The following PRCD variants were observed in gnomAD, a reference collection of about 807,000 sequenced individuals.
The protein encoded by PRCD is photoreceptor disk component PRCD.
PRCD carries 12 observed loss-of-function variants against 10.1 expected under a neutral mutation model. The observed-to-expected ratio is 1.18, with a 90% CI of 0.76 to 1.92. The LOEUF (loss-of-function observed/expected upper bound fraction) is 1.92, where lower values mean the gene tolerates loss of function less well. Among genes scored for constraint, PRCD ranks in the 40% most tolerant of loss-of-function variants. The pLI is 0.00. For synonymous variants in PRCD, 31 were observed against 26.2 expected (o/e 1.18, Z -0.56); for missense variants, 61 against 72.2 (o/e 0.84, Z 0.56).
chr17:76,545,230 T>C lies in PRCD; in HGVS notation c.*1580T>C, dbSNP rs1351268659. 2.2e-6 allele frequency: 1 copy of C among 456,778 alleles called. No individual in the cohort carries two copies. Among genetic ancestry groups the C allele is most frequent in the Admixed American group, 2.3e-5 (1 of 42,588 alleles). 28.3% of individuals were successfully genotyped at this position (456,778 alleles called of 1,614,324 possible). A position where few individuals can be genotyped will look rare whatever the true frequency, so the allele number is the denominator to read the frequency against. ...AGCTCCTGCTGCAGAAAGTTACCTC[T>C]CTCAGCCTAGAGCTCCCCACAGAAG... On this transcript the variant is annotated 3_prime_UTR_variant, in exon 5 of 5. Coordinates refer to ENST00000592014, the MANE Select transcript of PRCD (RefSeq NM_001077620.3).
chr17:76,552,031 T>A (rs2143227221), intron 1 of PRCD: 1 of 152,266 alleles, frequency 6.6e-6, no homozygotes, highest in East Asian at 1.9e-4. Context: ...TGTTATGATT[T>A]CCGGAAGGAG....
Position 76,530,932 on chromosome 17 carries a change from G to C in PRCD, n.45+3099G>C, listed in dbSNP as rs2143079200. 1.3e-6 allele frequency: 2 copies of C among 1,530,318 alleles called. No homozygotes were observed. The highest frequency in any genetic ancestry group is 2.5e-5 in the South Asian group (2 of 80,910). The allele number at this position is 1,530,318 out of a possible 1,614,324, so 94.8% of individuals were successfully genotyped here. A position where few individuals can be genotyped will look rare whatever the true frequency, so the allele number is the denominator to read the frequency against. ...TATGGGAGACCTCGGGGACAGCAGAGGACATGGCGGGGAGGCTGCCCAGCC... is the reference window on the plus strand; with the variant it reads ...TATGGGAGACCTCGGGGACAGCAGACGACATGGCGGGGAGGCTGCCCAGCC... On this transcript the variant is annotated intron_variant and non_coding_transcript_variant, in intron 1 of 4. Transcript: ENST00000397633. This position sits in a 1 kb window ranked among gnomAD's most constrained non-coding sequence, Gnocchi z 6.1.
At chr17:76,535,380 C>T (rs932482044), upstream of PRCD, among the ~76,000 whole-genome samples, 3 of 152,184 alleles carry the variant, frequency 2.0e-5, no homozygotes, top group Admixed American at 6.5e-5. Flanking sequence ...CTGACGGGCC[C>T]AGGATCTGAG....
At chr17:76,527,631 A>AGCCCTCG (rs971901938), upstream of PRCD, 11 of 453,512 alleles carry the variant, frequency 2.4e-5, no homozygotes, top group Middle Eastern at 6.8e-4. Flanking sequence ...GGGTGGGGAA[A>AGCCCTCG]GCCCTCGGCC....
intron 1 of PRCD, chr17:76,551,178 GC>G (rs979280397): frequency 1.3e-5 from 2 of 152,150 alleles, no homozygotes; most frequent in African/African-American, 4.8e-5. Context: ...AATTTGCAGA[GC>G]AGAGAAGAGA....
chr17:76,547,643 TCACACACA>T (rs56118010), downstream of PRCD, among the ~76,000 whole-genome samples: 20 of 149,980 alleles, frequency 1.3e-4, no homozygotes, highest in East Asian at 1.4e-3. Context: ...ACACACACAT[TCACACACA>T]CACACACACA....
chr17:76,540,538 C>A lies in PRCD; in HGVS notation c.108C>A (p.Gly36=), dbSNP rs1255280818. 5.0e-6 allele frequency: 8 copies of A among 1,613,632 alleles called. No homozygotes were observed. The highest frequency in any genetic ancestry group is 6.8e-6 in the Non-Finnish European group (8 of 1,179,930). The change falls in exon 2 of 5, where the codon GGC becomes GGA. Residue 36 remains glycine, a synonymous_variant. Transcript: ENST00000592014. This position sits in a 1 kb window ranked among gnomAD's most constrained non-coding sequence, Gnocchi z 5.0. Reference sequence around the variant, plus strand: ...GCGACGTGGATGGGGCAGCTAGGGGCAGCAGCTTGGATGCGGACCCTCAGT... The same window carrying A: ...GCGACGTGGATGGGGCAGCTAGGGGAAGCAGCTTGGATGCGGACCCTCAGT... The part of the protein sequence containing the change: ...EPSDVDGAAR[G]SSLDADPQSS...
chr17:76,535,717 G>A (rs1307988244), upstream of PRCD, among the ~76,000 whole-genome samples: 4 of 152,184 alleles, frequency 2.6e-5, no homozygotes, highest in Non-Finnish European at 4.4e-5. Context: ...CTGAAAACTC[G>A]GACTGCCCAG....
At chr17:76,551,225 A>C (rs1410313378) in intron 1 of PRCD, 1 of 152,242 alleles carries the variant, frequency 6.6e-6, no homozygotes, top group Non-Finnish European at 1.5e-5. Context: ...ACAGGAACAA[A>C]CACCACCACA....
At chr17:76,539,200 C>T (rs1195301315), upstream of PRCD, among the ~76,000 whole-genome samples, 1 of 152,238 alleles carries the variant, frequency 6.6e-6, no homozygotes, top group Non-Finnish European at 1.5e-5. Context: ...TGGCTGGCTC[C>T]ATGCTCCACA....
chr17:76,531,432 G>A lies in PRCD; in HGVS notation n.45+3599G>A, dbSNP rs2074841616. The stretch of plus-strand genomic sequence containing the variant: ...GATGGCCATGACGCGTGGGCGGTGG[G>A]GGCTCTGCAGCAGATGGGGGCGCAT... On this transcript the variant is annotated intron_variant and non_coding_transcript_variant, in intron 1 of 4. Coordinates refer to the PRCD transcript ENST00000397633. The surrounding 1 kb of genome is among the most constrained non-coding windows in gnomAD (Gnocchi z 7.4). 4 of 1,592,704 alleles carry A rather than the reference G, an allele frequency of 2.5e-6. No homozygotes were observed. Among genetic ancestry groups the A allele is most frequent in the Non-Finnish European group, 3.4e-6 (4 of 1,162,652 alleles).
intron 4 of PRCD, among the ~76,000 whole-genome samples, chr17:76,543,593 C>A (rs2075017381): frequency 1.3e-5 from 2 of 152,250 alleles, no homozygotes; most frequent in Admixed American, 6.5e-5. Flanking sequence ...CAGGCTCACA[C>A]TGGAGCTGCA....
chr17:76,543,484 G>A, intron 4 of PRCD: 1 of 345,934 alleles, frequency 2.9e-6, no homozygotes, highest in Non-Finnish European at 5.7e-6. Flanking sequence ...GTCACCCACA[G>A]AGCCTGGTAA....
chr17:76,535,194 G>C (rs970223599), upstream of PRCD, among the ~76,000 whole-genome samples: 1 of 152,214 alleles, frequency 6.6e-6, no homozygotes, highest in Non-Finnish European at 1.5e-5. Flanking sequence ...CTCCAGGTTG[G>C]GGGTGTGGAA....
chr17:76,527,945 C>A lies in PRCD; in HGVS notation n.45+112C>A, dbSNP rs925479038. ...AAGGGGCTGGGCTTTGCCGCCAAGC[C>A]GGGTTGCCCCAGCCCTGCCCCTCCA... On this transcript the variant is annotated intron_variant and non_coding_transcript_variant, in intron 1 of 4. Coordinates refer to the PRCD transcript ENST00000397633. The A allele has an allele frequency of 3.4e-4, 131 of 387,280 alleles. 1 individual carries two copies. Among genetic ancestry groups the A allele is most frequent in the South Asian group, 2.4e-3 (127 of 53,940 alleles). 24.0% of individuals were successfully genotyped at this position (387,280 alleles called of 1,614,324 possible). A position where few individuals can be genotyped will look rare whatever the true frequency, so the allele number is the denominator to read the frequency against.
rs1055259156 is a variant in PRCD at position 76,545,127 on chromosome 17, G to A, written c.*1477G>A. The A allele has an allele frequency of 1.3e-4, 61 of 456,476 alleles. No homozygotes were observed. Among genetic ancestry groups the A allele is most frequent in the Non-Finnish European group, 2.4e-4 (54 of 226,952 alleles). 28.3% of individuals were successfully genotyped at this position (456,476 alleles called of 1,614,324 possible). On this transcript the variant is annotated 3_prime_UTR_variant, in exon 5 of 5. Coordinates refer to ENST00000592014, the MANE Select transcript of PRCD (RefSeq NM_001077620.3). ...AGCAGATTGTGTTTACACCTTCCCC[G>A]CACACCCAGCCCACGCTCGCCTCTT... is the stretch of plus-strand genomic sequence containing the variant.
intron 1 of PRCD, chr17:76,529,321 C>G: frequency 1.3e-5 from 13 of 985,434 alleles, no homozygotes; most frequent in Non-Finnish European, 1.6e-5. Context: ...GAGTAACCCC[C>G]ATGGGGTGCC....
chr17:76,552,881 AAT>A (rs1555625892), intron 1 of PRCD: 56 of 96,928 alleles, frequency 5.8e-4, no homozygotes, highest in African/African-American at 2.2e-3. Context: ...AAAAAAAAAA[AAT>A]ATATATATAT....
intron 1 of PRCD, chr17:76,529,049 C>CTACT: frequency 4.6e-6 from 2 of 438,042 alleles, no homozygotes; most frequent in Non-Finnish European, 5.9e-6. Flanking sequence ...ATTGCGCCCC[C>CTACT]CCCCCACCCC....
Sources: gnomAD v4.1 joint callset for allele counts (sites outside exome capture counted in the v4.1 genomes callset) on GRCh38, gnomAD v4.1.1 for gene constraint, Gnocchi (gnomAD v3.1) non-coding constraint, MANE v1.5 for transcripts, NCBI Gene and HGNC (gene_info 2026-07-23, HGNC 2026-07-21) for gene names.